The following PLA2G1B variants were observed in gnomAD, a reference collection of about 807,000 sequenced individuals.
PLA2G1B encodes phospholipase A2.
PLA2G1B carries 12 observed loss-of-function variants against 12.5 expected under a neutral mutation model. The ratio of observed to expected loss-of-function variants is 0.96; its 90% CI spans 0.62 to 1.56. The LOEUF is 1.56. Among genes scored for constraint, PLA2G1B ranks in the 40% most tolerant of loss-of-function variants. PLA2G1B has a pLI of 0.00. For synonymous variants in PLA2G1B, 81 were observed against 73.4 expected (o/e 1.10, Z -0.53); for missense variants, 189 against 186.7 (o/e 1.01, Z -0.07).
chr12:120,326,066 C>T lies in PLA2G1B; in HGVS notation c.35-46G>A, dbSNP rs764432158. 10 of 1,599,360 alleles carry T rather than the reference C, an allele frequency of 6.3e-6. No individual in the cohort carries two copies. The East Asian group carries it at 8.9e-5, about 14-fold the overall frequency. ...AGTTCAAATCGGTCTGCCAGCACCC[C>T]GGGGACACACTGCCTTCCTGCTCCC... On this transcript the variant is annotated intron_variant, in intron 1 of 3. Coordinates refer to ENST00000308366, the MANE Select transcript of PLA2G1B (RefSeq NM_000928.3).
rs1592909771 is a variant in PLA2G1B, at chr12:120,327,775, G to T, written c.-22C>A. 1 of 1,609,710 alleles carries T rather than the reference G, an allele frequency of 6.2e-7. No homozygotes were observed. Among genetic ancestry groups the T allele is most frequent in the Non-Finnish European group, 8.5e-7 (1 of 1,175,980 alleles). On this transcript the variant is annotated 5_prime_UTR_variant, in exon 1 of 4. Transcript: ENST00000308366. Reference sequence around the variant, plus strand: ...TCATCTTGCAGTCAAGGTGAGAAAAGAACTGAGATGACCAGTCTCAGGTAT... The same window carrying T: ...TCATCTTGCAGTCAAGGTGAGAAAATAACTGAGATGACCAGTCTCAGGTAT...
At chr12:120,324,031 G>A (rs1873289503) in intron 3 of PLA2G1B, among the ~76,000 whole-genome samples, 1 of 152,098 alleles carries the variant, frequency 6.6e-6, no homozygotes, top group African/African-American at 2.4e-5. Flanking sequence ...ACAGTAATCG[G>A]CCAGGCACAG....
rs56186515 is a variant in PLA2G1B at position 120,326,578 on chromosome 12, T to TATAATA, written c.35-564_35-559dup. On this transcript the variant is annotated intron_variant, in intron 1 of 3. Coordinates refer to ENST00000308366, the MANE Select transcript of PLA2G1B (RefSeq NM_000928.3). ...AGCTAGAGATACAGCAGTGAACAGA[T>TATAATA]ATAATAATAATAATAATAATAATAA... 3.6e-3 allele frequency among the ~76,000 whole-genome samples: 500 copies of TATAATA among 139,888 alleles called. 1 individual carries two copies. The highest frequency in any genetic ancestry group is 6.2e-3 in the African/African-American group (235 of 37,718). The allele number at this position is 139,888 out of a possible 152,430, so 91.8% of individuals were successfully genotyped here.
chr12:120,325,600 GTGA>G (rs1186164586), intron 2 of PLA2G1B, among the ~76,000 whole-genome samples: 1 of 152,212 alleles, frequency 6.6e-6, no homozygotes, highest in Admixed American at 6.5e-5. Context: ...GATAGTTGCT[GTGA>G]TGTTTACTGT....
chr12:120,326,683 T>G (rs1344059454), intron 1 of PLA2G1B, among the ~76,000 whole-genome samples: 1 of 151,284 alleles, frequency 6.6e-6, no homozygotes, highest in Non-Finnish European at 1.5e-5. Flanking sequence ...ATAATAAATG[T>G]GATAAGGCCG....
Position 120,325,905 on chromosome 12 carries a change from G to A in PLA2G1B, c.150C>T (p.Tyr50=). The change falls in exon 2 of 4, where the codon TAC becomes TAT. Residue 50 remains tyrosine (Y), a synonymous_variant. Transcript: ENST00000308366. ...GGGTGCCTGAGCCCCCCAAGCCACA[G>A]TAGCAGCCGTAGTTGTTGTATTCCA... ...PFLEYNNYGC[Y]CGLGGSGTPV... 1 of 1,614,190 alleles carries A rather than the reference G, an allele frequency of 6.2e-7. No homozygotes were observed. Among genetic ancestry groups the A allele is most frequent in the Non-Finnish European group, 8.5e-7 (1 of 1,180,016 alleles).
chr12:120,322,408 G>T, intron 3 of PLA2G1B, 91 bp from the exon 4 acceptor site: 1 of 1,191,706 alleles, frequency 8.4e-7, no homozygotes, highest in Non-Finnish European at 1.2e-6. Context: ...TAAGCTGGCA[G>T]CCATTCCACT....
chr12:120,323,790 T>C (rs907415133), intron 3 of PLA2G1B, among the ~76,000 whole-genome samples: 2 of 151,788 alleles, frequency 1.3e-5, no homozygotes, highest in Non-Finnish European at 2.9e-5. Context: ...ATAGTAACAA[T>C]GAAAAAACAG....
chr12:120,325,776 C>T (rs1253038698), intron 2 of PLA2G1B, 85 bp downstream of exon 2: 8 of 1,297,986 alleles, frequency 6.2e-6, no homozygotes, highest in Non-Finnish European at 8.8e-6. Context: ...TGCAAGTCCC[C>T]TTTGTATGCC....
chr12:120,322,352 G>A, intron 3 of PLA2G1B, 35 bp from the exon 4 acceptor site: 5 of 1,603,840 alleles, frequency 3.1e-6, no homozygotes, highest in Non-Finnish European at 4.3e-6. Context: ...CTGAGCCAAG[G>A]TGGACCCTGT....
Position 120,322,159 on chromosome 12 carries a change from G to A in PLA2G1B, c.*34C>T. 6.2e-7 allele frequency: 1 copy of A among 1,609,152 alleles called. No homozygotes were observed. Among genetic ancestry groups the A allele is most frequent in the Non-Finnish European group, 8.5e-7 (1 of 1,176,724 alleles). ...TATTGGAGAGTACAGTGTGAGATGA[G>A]GCAGATAGAGGTGATGCTTTTGAGA... is the stretch of plus-strand genomic sequence containing the variant. On this transcript the variant is annotated 3_prime_UTR_variant, in exon 4 of 4. Coordinates refer to ENST00000308366, the MANE Select transcript of PLA2G1B (RefSeq NM_000928.3).
chr12:120,324,009 T>G (rs1296888755), intron 3 of PLA2G1B, among the ~76,000 whole-genome samples: 1 of 151,988 alleles, frequency 6.6e-6, no homozygotes, highest in Non-Finnish European at 1.5e-5. Context: ...GATATAGCAA[T>G]AAAGAAAATA....
At chr12:120,322,600 T>A (rs1873259208) in intron 3 of PLA2G1B, among the ~76,000 whole-genome samples, 1 of 152,162 alleles carries the variant, frequency 6.6e-6, no homozygotes, top group Non-Finnish European at 1.5e-5. Context: ...TTTGTTTTGT[T>A]TTTAAGACGG....
chr12:120,325,076 G>A lies in PLA2G1B; in HGVS notation c.195-15C>T. The A allele has an allele frequency of 1.2e-6, 2 of 1,613,748 alleles. No homozygotes were observed. Among genetic ancestry groups the A allele is most frequent in the Admixed American group, 1.7e-5 (1 of 59,970 alleles). ...TCTGGCAGCACCTGGAAAGTGGGAG[G>A]GACAGCTGAGATAGGAGTAAGTGCA... On this transcript the variant is annotated splice_polypyrimidine_tract_variant and intron_variant, in intron 2 of 3. Transcript: ENST00000308366.
At position 120,325,006 on chromosome 12, in the gene PLA2G1B, T is replaced by C. The variant is rs758177251; in HGVS notation, c.250A>G (p.Lys84Glu). The C allele has an allele frequency of 8.1e-6, 13 of 1,613,914 alleles. No homozygotes were observed. The African/African-American group carries it at 1.5e-4, about 18-fold the overall frequency. ...YDQAKKLDSC[K>E]FLLDNPYTHT... The stretch of plus-strand genomic sequence containing the variant: ...GTGTACGGGTTGTCCAGCAGAAATT[T>C]ACAGCTGTCCAGCTTCTTGGCCTGG... The change falls in exon 3 of 4, where the codon AAA becomes GAA. Residue 84 changes from lysine to glutamate, a missense_variant. Coordinates refer to ENST00000308366, the MANE Select transcript of PLA2G1B (RefSeq NM_000928.3).
Position 120,325,990 on chromosome 12 carries a change from C to T in PLA2G1B, c.65G>A (p.Arg22Gln), listed in dbSNP as rs756339133. The T allele has an allele frequency of 3.1e-6, 5 of 1,613,928 alleles. No individual in the cohort carries two copies. The African/African-American group carries it at 4.0e-5, about 13-fold the overall frequency. ...VAAADSGISP[R>Q]AVWQFRKMIK... ...CATTTTGCGGAACTGCCACACGGCC[C>T]GAGGGCTGATGCCGCTGTCGGCGGC... Residue 22 changes from arginine (R) to glutamine (Q), a missense_variant, in exon 2 of 4, where the codon CGG becomes CAG. By Grantham distance (43) the Arg-to-Gln change is conservative. Transcript: ENST00000308366.
At chr12:120,326,143 C>G (rs1382216053) in intron 1 of PLA2G1B, 123 bp from the exon 2 acceptor site, 1 of 921,834 alleles carries the variant, frequency 1.1e-6, no homozygotes, top group East Asian at 2.5e-5. Context: ...CTCTGAAGAC[C>G]GTTGGACCCA....
intron 1 of PLA2G1B, among the ~76,000 whole-genome samples, chr12:120,327,459 A>C (rs939168583): frequency 6.6e-6 from 1 of 152,208 alleles, no homozygotes; most frequent in Non-Finnish European, 1.5e-5. Context: ...TGGGTGATAG[A>C]GCAAGACCCT....
At chr12:120,325,087 A>G (rs776573330) in intron 2 of PLA2G1B, 26 bp from the exon 3 acceptor site, 9 of 1,613,574 alleles carry the variant, frequency 5.6e-6, no homozygotes, top group South Asian at 1.1e-5. Context: ...GACAGCTGAG[A>G]TAGGAGTAAG....
Sources: allele counts gnomAD v4.1 joint callset (sites outside exome capture counted in the v4.1 genomes callset), GRCh38; gene constraint gnomAD v4.1.1; transcripts MANE v1.5; gene names NCBI Gene and HGNC (gene_info 2026-07-23, HGNC 2026-07-21).